STXBP5: variants seen among roughly 807,000 people sequenced by gnomAD.
STXBP5 encodes syntaxin-binding protein 5.
In STXBP5, 50 loss-of-function variants were observed where a neutral mutation model predicts 152.4. That is an observed-to-expected ratio of 0.33 (90% confidence interval 0.26 to 0.42). STXBP5 has a LOEUF of 0.42. Among genes scored for constraint, STXBP5 ranks in the 10% least tolerant of loss-of-function variants. The pLI is 1.00. For missense variants in STXBP5, 1,167 were observed against 1,388.6 expected, an observed-to-expected ratio of 0.84 and a Z score of 2.54; for synonymous variants, 492 against 494.7, an observed-to-expected ratio of 0.99 and a Z score of 0.07.
intron 2 of STXBP5, among the ~76,000 whole-genome samples, chr6:147,233,648 A>C (rs1778122964): frequency 6.6e-6 from 1 of 151,768 alleles, no homozygotes. Context: ...GATTAGAATT[A>C]GACTCACTAT....
chr6:147,364,260 C>T (rs1177981522), intron 25 of STXBP5, 94 bp downstream of exon 25: 1 of 1,135,806 alleles, frequency 8.8e-7, no homozygotes, highest in East Asian at 2.6e-5. Flanking sequence ...TGGAACTATA[C>T]AAGTGAGCCT....
intron 7 of STXBP5, among the ~76,000 whole-genome samples, chr6:147,273,399 C>G (rs544300246): frequency 6.6e-6 from 1 of 152,022 alleles, no homozygotes; most frequent in East Asian, 1.9e-4. Context: ...TTGTAGTAAT[C>G]AGTGTGGCAG....
chr6:147,313,133 G>A (rs777756212), intron 11 of STXBP5, among the ~76,000 whole-genome samples: 1 of 152,128 alleles, frequency 6.6e-6, no homozygotes, highest in Admixed American at 6.6e-5. Context: ...GTCTATAAGG[G>A]ACTATTTGGA....
intron 4 of STXBP5, among the ~76,000 whole-genome samples, chr6:147,243,791 C>T (rs1180658120): frequency 6.6e-6 from 1 of 151,422 alleles, no homozygotes; most frequent in African/African-American, 2.4e-5. Flanking sequence ...AGTTTTTTTT[C>T]TTTTTTTAAT....
intron 16 of STXBP5, among the ~76,000 whole-genome samples, chr6:147,321,919 A>G (rs1782955617): frequency 6.6e-6 from 1 of 152,122 alleles, no homozygotes; most frequent in South Asian, 2.1e-4. Flanking sequence ...TAGGTTTCTC[A>G]TCCTTTACCA....
intron 22 of STXBP5, among the ~76,000 whole-genome samples, chr6:147,358,211 GAA>G (rs547906554): frequency 7.0e-5 from 10 of 142,690 alleles, no homozygotes; most frequent in African/African-American, 2.5e-4. Flanking sequence ...GGGCAAATCT[GAA>G]AAAAAAAAAG....
chr6:147,346,614 C>T (rs2128402246), intron 21 of STXBP5, among the ~76,000 whole-genome samples: 2 of 152,138 alleles, frequency 1.3e-5, no homozygotes, highest in South Asian at 4.2e-4. Context: ...GTGGCGGGCG[C>T]CTGTAATCCC....
At chr6:147,274,645 G>A (rs932891082) in intron 7 of STXBP5, among the ~76,000 whole-genome samples, 5 of 151,948 alleles carry the variant, frequency 3.3e-5, no homozygotes, top group African/African-American at 9.7e-5. Context: ...GATTATATAA[G>A]AATAATAAAA....
At chr6:147,347,169 C>T (rs1784376580) in intron 21 of STXBP5, among the ~76,000 whole-genome samples, 1 of 152,104 alleles carries the variant, frequency 6.6e-6, no homozygotes. Flanking sequence ...AACCAATGAT[C>T]TCAAGTCTTT....
In STXBP5 at chr6:147,204,737, A is replaced by T; in HGVS notation, c.150+55A>T. The T allele has an allele frequency of 6.7e-7, 1 of 1,503,458 alleles. No homozygotes were observed. The highest frequency in any genetic ancestry group is 8.9e-7 in the Non-Finnish European group (1 of 1,122,222). The allele number at this position is 1,503,458 out of a possible 1,614,324, so 93.1% of individuals were successfully genotyped here. On this transcript the variant is annotated intron_variant, in intron 1 of 27. Transcript: ENST00000321680. The surrounding 1 kb of genome is among the most constrained non-coding windows in gnomAD (Gnocchi z 4.3). ...GTCATTGAAAAATTGGGGTTGTTTT[A>T]AGGGGGCTACTCGGGCTTTACATGG... is the stretch of plus-strand genomic sequence containing the variant.
chr6:147,230,160 G>A lies in STXBP5; in HGVS notation c.249-5090G>A, dbSNP rs184442100. 1.4e-3 allele frequency among the ~76,000 whole-genome samples: 209 copies of A among 151,834 alleles called. 2 individuals are homozygous for A. The highest frequency in any genetic ancestry group is 0.011 in the Admixed American group (173 of 15,238). On this transcript the variant is annotated intron_variant, in intron 2 of 27. Transcript: ENST00000321680. ...TAACGTCGTGTATGCCATTGATCCC[G>A]TATACTTTTTAAAGATGATTGTTTA...
chr6:147,274,070 G>C (rs1353489883), intron 7 of STXBP5, among the ~76,000 whole-genome samples: 1 of 151,930 alleles, frequency 6.6e-6, no homozygotes, highest in East Asian at 1.9e-4. Flanking sequence ...TCTCCCTTAA[G>C]GGTTTTTTCT....
chr6:147,223,317 CA>C (rs1777551270), intron 2 of STXBP5, among the ~76,000 whole-genome samples: 1 of 152,128 alleles, frequency 6.6e-6, no homozygotes, highest in Non-Finnish European at 1.5e-5. Context: ...CCATAATATA[CA>C]AAATGAAGTG....
intron 26 of STXBP5, among the ~76,000 whole-genome samples, chr6:147,381,917 T>G (rs1182978026): frequency 6.6e-6 from 1 of 152,154 alleles, no homozygotes; most frequent in Non-Finnish European, 1.5e-5. Flanking sequence ...GCATGGAGCT[T>G]CTTTTGCAGT....
chr6:147,298,082 A>G (rs761672665), intron 9 of STXBP5, among the ~76,000 whole-genome samples: 1 of 152,072 alleles, frequency 6.6e-6, no homozygotes, highest in South Asian at 2.1e-4. Context: ...AAAAAGAAAA[A>G]CTTTATGCTA....
chr6:147,285,066 A>C (rs1319876790), intron 8 of STXBP5, among the ~76,000 whole-genome samples: 1 of 152,140 alleles, frequency 6.6e-6, no homozygotes, highest in African/African-American at 2.4e-5. Context: ...ACTTAAACCA[A>C]TTATTTGAGG....
At chr6:147,226,629 A>G (rs1300629914) in intron 2 of STXBP5, among the ~76,000 whole-genome samples, 1 of 152,262 alleles carries the variant, frequency 6.6e-6, no homozygotes, top group African/African-American at 2.4e-5. Flanking sequence ...TAAGAATAGC[A>G]TAAGACATGC....
chr6:147,361,051 G>T (rs1038230242), intron 23 of STXBP5, among the ~76,000 whole-genome samples: 2 of 152,102 alleles, frequency 1.3e-5, no homozygotes, highest in Non-Finnish European at 2.9e-5. Flanking sequence ...AGGAAAACAG[G>T]TTACATAATG....
rs1300429672 is a variant in STXBP5, at chr6:147,327,291, AAAG to A, written c.2080+18_2080+20del. On this transcript the variant is annotated intron_variant, in intron 18 of 27. Transcript: ENST00000321680. ...GCCTTCAGGAGGTAAAAAGAAAAGA[AAAG>A]AAAATTCTGAGCTTTAGGATTTCTA... 2 of 1,595,710 alleles carry A rather than the reference AAAG, an allele frequency of 1.3e-6. No homozygotes were observed. The highest frequency in any genetic ancestry group is 1.7e-6 in the Non-Finnish European group (2 of 1,175,562).
Sources: allele counts gnomAD v4.1 joint callset (sites outside exome capture counted in the v4.1 genomes callset), GRCh38; gene constraint gnomAD v4.1.1; non-coding constraint Gnocchi (gnomAD v3.1); transcripts MANE v1.5; gene names NCBI Gene and HGNC (gene_info 2026-07-23, HGNC 2026-07-21).